Variants in VAT1L observed in about 807,000 individuals in gnomAD.
The protein encoded by VAT1L is vesicle amine transport 1 like.
In VAT1L, 34 loss-of-function variants were observed where a neutral mutation model predicts 44.1. That is an observed-to-expected ratio of 0.77 (90% CI 0.59 to 1.03). The LOEUF (loss-of-function observed/expected upper bound fraction) is 1.03, where lower values mean the gene tolerates loss of function less well. Ranked by LOEUF, VAT1L falls within the 50% of genes least tolerant of loss-of-function variation. The probability of loss-of-function intolerance (pLI) is 0.00; values close to 1 mark genes in which losing one functional copy is unlikely to be tolerated. For synonymous variants in VAT1L, 253 were observed against 202.2 expected, an observed-to-expected ratio of 1.25 and a Z score of -2.13; for missense variants, 615 against 538.8, an observed-to-expected ratio of 1.14 and a Z score of -1.40.
rs2018354868 is a variant in VAT1L, at chr16:77,977,610, G to A, written c.1175G>A (p.Ser392Asn). 1 of 1,614,056 alleles carries A rather than the reference G, an allele frequency of 6.2e-7. No homozygotes were observed. Among genetic ancestry groups the A allele is most frequent in the Non-Finnish European group, 8.5e-7 (1 of 1,179,966 alleles). ...KTPTPLMAND[S>N]TETSEAGEEE... ...TTTGAATTACAGATGGCCAATGACA[G>A]CACAGAGACCAGTGAAGCAGGGGAA... Residue 392 changes from serine (S) to asparagine (N), a missense_variant, in exon 9 of 9, where the codon AGC (serine) becomes AAC (asparagine). Coordinates refer to ENST00000302536, the MANE Select transcript of VAT1L (RefSeq NM_020927.3).
chr16:77,958,712 C>G (rs1465867602), intron 7 of VAT1L, among the ~76,000 whole-genome samples: 1 of 152,174 alleles, frequency 6.6e-6, no homozygotes, highest in East Asian at 1.9e-4. Flanking sequence ...CCCCTTACGA[C>G]CATGATGTAT....
chr16:77,847,777 C>T (rs1315482243), intron 3 of VAT1L, among the ~76,000 whole-genome samples: 1 of 152,158 alleles, frequency 6.6e-6, no homozygotes, highest in Admixed American at 6.5e-5. Context: ...TGTTGTTGTG[C>T]TGTGGTTGTG....
intron 7 of VAT1L, among the ~76,000 whole-genome samples, chr16:77,956,163 C>T (rs977166265): frequency 2.0e-5 from 3 of 152,064 alleles, no homozygotes; most frequent in African/African-American, 7.2e-5. Flanking sequence ...CTATTGCATG[C>T]CTGTATCAAA....
chr16:77,873,241 G>A (rs181894849), intron 4 of VAT1L, among the ~76,000 whole-genome samples: 73 of 152,292 alleles, frequency 4.8e-4, no homozygotes, highest in African/African-American at 1.8e-3. Flanking sequence ...AATTCCAGCT[G>A]TGCTAGTTAC....
At chr16:77,948,098 C>T (rs1022718676) in intron 7 of VAT1L, among the ~76,000 whole-genome samples, 11 of 152,180 alleles carry the variant, frequency 7.2e-5, no homozygotes, top group African/African-American at 2.7e-4. Context: ...AGTAGTTCTT[C>T]TCTAAACTGA....
At chr16:77,819,661 G>C (rs2016417725) in intron 2 of VAT1L, among the ~76,000 whole-genome samples, 1 of 152,206 alleles carries the variant, frequency 6.6e-6, no homozygotes, top group Non-Finnish European at 1.5e-5. Flanking sequence ...GGGATTACAG[G>C]CATGAGCCAC....
At chr16:77,900,475 AG>A (rs1174832220) in intron 7 of VAT1L, among the ~76,000 whole-genome samples, 1 of 152,056 alleles carries the variant, frequency 6.6e-6, no homozygotes, top group Non-Finnish European at 1.5e-5. Flanking sequence ...GGGGGGGATC[AG>A]GTTAGGTCAG....
rs749132968 is a variant in VAT1L, at chr16:77,971,877, G to C, written c.1105G>C (p.Asp369His). The C allele has an allele frequency of 6.2e-7, 1 of 1,613,776 alleles. No individual in the cohort carries two copies. Among genetic ancestry groups the C allele is most frequent in the Non-Finnish European group, 8.5e-7 (1 of 1,179,862 alleles). ...GAAGGAGGCCATGCAGCGGATTCAC[G>C]ACCGAGGGAACATTGGCAAGTTAAT... ...EVKEAMQRIH[D>H]RGNIGKLILD... is the part of the protein sequence containing the mutation. Residue 369 changes from aspartate to histidine, a missense_variant, in exon 8 of 9, where the codon GAC (aspartate) becomes CAC (histidine). Transcript: ENST00000302536.
intron 7 of VAT1L, among the ~76,000 whole-genome samples, chr16:77,933,768 CAAT>C (rs1191907292): frequency 6.6e-6 from 1 of 152,116 alleles, no homozygotes; most frequent in African/African-American, 2.4e-5. Context: ...AAAACAACAA[CAAT>C]AAGGCAAATA....
At chr16:77,873,376 G>A (rs745697995) in intron 4 of VAT1L, among the ~76,000 whole-genome samples, 2 of 152,174 alleles carry the variant, frequency 1.3e-5, no homozygotes, top group African/African-American at 2.4e-5. Context: ...ATATAGGAGA[G>A]CTCTGAAATA....
At chr16:77,801,147 G>A (rs1478397926) in intron 1 of VAT1L, 1 of 151,966 alleles carries the variant, frequency 6.6e-6, no homozygotes, top group Non-Finnish European at 1.5e-5. Flanking sequence ...GCCTTTTTTG[G>A]GTACTTTCCA....
intron 4 of VAT1L, among the ~76,000 whole-genome samples, chr16:77,873,957 G>A (rs993063322): frequency 2.6e-5 from 4 of 152,170 alleles, no homozygotes; most frequent in Non-Finnish European, 5.9e-5. Flanking sequence ...GCCACTGTTG[G>A]CTATGGACAT....
chr16:77,937,482 CT>C (rs1203893516), intron 7 of VAT1L, among the ~76,000 whole-genome samples: 3 of 147,176 alleles, frequency 2.0e-5, no homozygotes, highest in African/African-American at 7.3e-5. Flanking sequence ...ACCCAAGAGA[CT>C]TTCCCCCACT....
At chr16:77,841,244 C>T (rs1383138426) in intron 3 of VAT1L, among the ~76,000 whole-genome samples, 1 of 152,152 alleles carries the variant, frequency 6.6e-6, no homozygotes, top group Non-Finnish European at 1.5e-5. Context: ...CCATACCCAG[C>T]TAATGTTTAA....
intron 3 of VAT1L, among the ~76,000 whole-genome samples, chr16:77,852,341 G>T (rs906547542): frequency 6.6e-6 from 1 of 152,224 alleles, no homozygotes; most frequent in Non-Finnish European, 1.5e-5. Context: ...GAAGCTGCCT[G>T]CTGTGCTCCG....
chr16:77,885,627 T>C (rs1368074768), intron 7 of VAT1L, among the ~76,000 whole-genome samples: 1 of 151,892 alleles, frequency 6.6e-6, no homozygotes, highest in Admixed American at 6.5e-5. Context: ...TTTTAAAATA[T>C]GTGGGAATGT....
chr16:77,839,535 C>CAAAAAAAAAAAAA (rs71137846), intron 3 of VAT1L, among the ~76,000 whole-genome samples: 6 of 49,084 alleles, frequency 1.2e-4, no homozygotes, highest in East Asian at 1.2e-3. Flanking sequence ...TACTCCATAT[C>CAAAAAAAAAAAAA]AAAAAAAAAA....
At chr16:77,971,638 G>C (rs2018278846) in intron 7 of VAT1L, among the ~76,000 whole-genome samples, 1 of 151,892 alleles carries the variant, frequency 6.6e-6, no homozygotes, top group South Asian at 2.1e-4. Flanking sequence ...TCACTTTTCC[G>C]ACCCAGAAGA....
chr16:77,858,595 A>G (rs2142439641), intron 3 of VAT1L, among the ~76,000 whole-genome samples: 1 of 152,334 alleles, frequency 6.6e-6, no homozygotes, highest in South Asian at 2.1e-4. Flanking sequence ...CAGAGGTGCC[A>G]ATACGTTGCT....
Sources: allele counts gnomAD v4.1 joint callset (sites outside exome capture counted in the v4.1 genomes callset), GRCh38; gene constraint gnomAD v4.1.1; transcripts MANE v1.5; gene names NCBI Gene and HGNC (gene_info 2026-07-23, HGNC 2026-07-21).